ST3GAL3: variants seen among roughly 807,000 people sequenced by gnomAD.
ST3GAL3 encodes the protein CMP-N-acetylneuraminate-beta-1,4-galactoside alpha-2,3-sialyltransferase.
In ST3GAL3, 21 loss-of-function variants were observed where a neutral mutation model predicts 50.1. The observed-to-expected ratio is 0.42, with a 90% CI of 0.30 to 0.60. ST3GAL3 has a LOEUF of 0.60. Ranked by LOEUF, ST3GAL3 falls within the 20% of genes least tolerant of loss-of-function variation. The probability of loss-of-function intolerance (pLI) is 0.19; values close to 1 mark genes in which losing one functional copy is unlikely to be tolerated. For missense variants in ST3GAL3, 353 were observed against 489.4 expected, an observed-to-expected ratio of 0.72 and a Z score of 2.63; for synonymous variants, 183 against 190.0, an observed-to-expected ratio of 0.96 and a Z score of 0.30.
chr1:43,732,557 A>G (rs1349776116), intron 1 of ST3GAL3, among the ~76,000 whole-genome samples: 1 of 152,062 alleles, frequency 6.6e-6, no homozygotes, highest in Non-Finnish European at 1.5e-5. Context: ...GTTCCTTTAA[A>G]TGCTGCTCAC....
intron 1 of ST3GAL3, among the ~76,000 whole-genome samples, chr1:43,713,143 G>A (rs1665614933): frequency 1.3e-5 from 2 of 152,212 alleles, no homozygotes; most frequent in African/African-American, 2.4e-5. Context: ...AAGACTGGAC[G>A]GAAGGATAGT....
intron 2 of ST3GAL3, among the ~76,000 whole-genome samples, chr1:43,749,030 A>T (rs1326288955): frequency 6.6e-6 from 1 of 152,230 alleles, no homozygotes; most frequent in African/African-American, 2.4e-5. Flanking sequence ...AGTAGACAGA[A>T]TAGAGTCCAG....
chr1:43,830,977 T>G (rs1210238259), intron 4 of ST3GAL3, among the ~76,000 whole-genome samples: 1 of 152,216 alleles, frequency 6.6e-6, no homozygotes, highest in Non-Finnish European at 1.5e-5. Context: ...GAACAGTGAC[T>G]AATATTTGTA....
At chr1:43,748,423 A>ATTTTTTTTTT (rs1215322512) in intron 2 of ST3GAL3, among the ~76,000 whole-genome samples, 1 of 111,140 alleles carries the variant, frequency 9.0e-6, no homozygotes, top group Non-Finnish European at 1.8e-5. Flanking sequence ...AACAGCCCCC[A>ATTTTTTTTTT]TTTTTTTTTT....
intron 5 of ST3GAL3, among the ~76,000 whole-genome samples, chr1:43,886,154 G>A (rs1055571759): frequency 1.3e-5 from 2 of 152,228 alleles, no homozygotes; most frequent in African/African-American, 4.8e-5. Context: ...GCCGAGGCGG[G>A]CAGATCACCT....
intron 2 of ST3GAL3, among the ~76,000 whole-genome samples, chr1:43,782,830 A>G (rs1699797270): frequency 1.3e-5 from 2 of 152,150 alleles, no homozygotes; most frequent in Non-Finnish European, 2.9e-5. Context: ...TTTTCAAAAG[A>G]TCAGTGTCAA....
intron 5 of ST3GAL3, among the ~76,000 whole-genome samples, chr1:43,886,748 A>G (rs1361794422): frequency 6.6e-6 from 1 of 152,242 alleles, no homozygotes; most frequent in Non-Finnish European, 1.5e-5. Context: ...AAGTGGAGAC[A>G]GGATATCCAC....
chr1:43,908,720 C>G (rs1178478689), intron 9 of ST3GAL3, among the ~76,000 whole-genome samples: 1 of 151,984 alleles, frequency 6.6e-6, no homozygotes, highest in South Asian at 2.1e-4. Context: ...TCCGCCACCC[C>G]CTCCAGGTTC....
chr1:43,783,749 G>A (rs1180781384), intron 2 of ST3GAL3, among the ~76,000 whole-genome samples: 6 of 151,754 alleles, frequency 4.0e-5, no homozygotes, highest in Admixed American at 2.0e-4. Flanking sequence ...CCCACCCCCC[G>A]CAGTCTTAGA....
chr1:43,787,528 TACACAAA>T (rs2057496190), intron 2 of ST3GAL3, among the ~76,000 whole-genome samples: 1 of 152,212 alleles, frequency 6.6e-6, no homozygotes, highest in African/African-American at 2.4e-5. Flanking sequence ...TTTAAAAACT[TACACAAA>T]ACATGAATAT....
chr1:43,723,567 A>G (rs964349960), intron 1 of ST3GAL3, among the ~76,000 whole-genome samples: 2 of 152,120 alleles, frequency 1.3e-5, no homozygotes, highest in African/African-American at 4.8e-5. Flanking sequence ...GAAATTACCC[A>G]GTCTCAGGTA....
At chr1:43,738,283 G>A (rs1679333268) in intron 2 of ST3GAL3, 1 of 152,166 alleles carries the variant, frequency 6.6e-6, no homozygotes, top group Non-Finnish European at 1.5e-5. Flanking sequence ...TTTATTGCTA[G>A]TTATCTGCTG....
At chr1:43,911,499 A>C (rs970835034) in intron 9 of ST3GAL3, among the ~76,000 whole-genome samples, 27 of 142,150 alleles carry the variant, frequency 1.9e-4, no homozygotes, top group Non-Finnish European at 2.8e-4. Context: ...ATATATATAG[A>C]TATAGATACA....
intron 4 of ST3GAL3, among the ~76,000 whole-genome samples, chr1:43,832,206 G>A (rs780745521): frequency 6.6e-6 from 1 of 152,178 alleles, no homozygotes; most frequent in Non-Finnish European, 1.5e-5. Context: ...ACAAGGCTCT[G>A]GAGACAAATG....
chr1:43,851,610 C>G, intron 5 of ST3GAL3: 1 of 1,313,430 alleles, frequency 7.6e-7, no homozygotes, highest in Non-Finnish European at 1.1e-6. Context: ...AGCCCTCTGC[C>G]GGTACTCTCC....
intron 9 of ST3GAL3, among the ~76,000 whole-genome samples, chr1:43,904,453 G>A (rs1337398190): frequency 6.6e-6 from 1 of 151,828 alleles, no homozygotes; most frequent in Non-Finnish European, 1.5e-5. Context: ...CATTTCCTTT[G>A]CGGCCATCAC....
At chr1:43,758,355 A>G (rs189209698) in intron 2 of ST3GAL3, among the ~76,000 whole-genome samples, 185 of 152,232 alleles carry the variant, frequency 1.2e-3, no homozygotes, top group African/African-American at 3.9e-3. Flanking sequence ...GGCTCAGGCA[A>G]TCCTCCCACC....
intron 2 of ST3GAL3, among the ~76,000 whole-genome samples, chr1:43,779,936 GA>G (rs921643399): frequency 6.4e-4 from 97 of 152,244 alleles, no homozygotes; most frequent in African/African-American, 2.3e-3. Flanking sequence ...TTTTCTTGAA[GA>G]ACTCTCTTTG....
At chr1:43,859,268 C>T (rs1160531931) in intron 5 of ST3GAL3, among the ~76,000 whole-genome samples, 3 of 152,192 alleles carry the variant, frequency 2.0e-5, no homozygotes, top group Admixed American at 1.3e-4. Flanking sequence ...CTCTCTCCCT[C>T]GGTTTCAAGG....
Sources: gnomAD v4.1 joint callset for allele counts (sites outside exome capture counted in the v4.1 genomes callset) on GRCh38, gnomAD v4.1.1 for gene constraint, MANE v1.5 for transcripts, NCBI Gene and HGNC (gene_info 2026-07-23, HGNC 2026-07-21) for gene names.